BNC2: variants seen among roughly 807,000 people sequenced by gnomAD.
BNC2 encodes basonuclin zinc finger protein 2.
A neutral mutation model predicts 76.3 loss-of-function variants in BNC2; 20 were observed. That is an observed-to-expected ratio of 0.26 (90% CI 0.18 to 0.38). The LOEUF (loss-of-function observed/expected upper bound fraction) is 0.38. Ranked by LOEUF, BNC2 falls within the 10% of genes least tolerant of loss-of-function variation. The pLI is 1.00. For missense variants in BNC2, 1,382 were observed against 1,399.8 expected, an observed-to-expected ratio of 0.99 and a Z score of 0.20; for synonymous variants, 582 against 514.8, an observed-to-expected ratio of 1.13 and a Z score of -1.77.
intron 3 of BNC2, among the ~76,000 whole-genome samples, chr9:16,681,382 C>T (rs1367337502): frequency 6.6e-6 from 1 of 152,084 alleles, no homozygotes; most frequent in African/African-American, 2.4e-5. Context: ...GGATGTATTG[C>T]TTGTGTGTCC....
intron 5 of BNC2, among the ~76,000 whole-genome samples, chr9:16,540,178 T>G (rs1017580433): frequency 5.3e-5 from 8 of 150,802 alleles, no homozygotes; most frequent in Non-Finnish European, 8.9e-5. Flanking sequence ...TTTTTTTTTT[T>G]TGGTAACTGC....
intron 5 of BNC2, among the ~76,000 whole-genome samples, chr9:16,490,627 G>C (rs1004218005): frequency 6.6e-6 from 1 of 152,112 alleles, no homozygotes; most frequent in Non-Finnish European, 1.5e-5. Flanking sequence ...ATTAGACTGT[G>C]AGCACCTAGA....
Position 16,863,164 on chromosome 9 carries a change from G to C in BNC2, c.3+7482C>G, listed in dbSNP as rs202114516. 8.6e-5 allele frequency among the ~76,000 whole-genome samples: 13 copies of C among 151,786 alleles called. No homozygotes were observed. In the South Asian group the frequency reaches 2.7e-3, roughly 32 times the overall value. On this transcript the variant is annotated intron_variant, in intron 1 of 6. Coordinates refer to ENST00000380672, the MANE Select transcript of BNC2 (RefSeq NM_017637.6). ...TCCTGACCTTGTGATCCACCCACCT[G>C]AGCCTCCCAAAGTGCTGGGATTACA...
At chr9:16,851,225 C>A (rs4961500) in intron 1 of BNC2, among the ~76,000 whole-genome samples, 1 of 152,202 alleles carries the variant, frequency 6.6e-6, no homozygotes, top group African/African-American at 2.4e-5. Context: ...ATCAGTACAG[C>A]GGCTGGGTGC....
chr9:16,852,942 G>C (rs2136165547), intron 1 of BNC2, among the ~76,000 whole-genome samples: 1 of 152,292 alleles, frequency 6.6e-6, no homozygotes, highest in South Asian at 2.1e-4. Flanking sequence ...GTCAGAGTTG[G>C]GCTGGGTCAC....
chr9:16,768,949 A>T (rs1586868625), intron 1 of BNC2, among the ~76,000 whole-genome samples: 1 of 152,304 alleles, frequency 6.6e-6, no homozygotes, highest in South Asian at 2.1e-4. Context: ...GTGGCAGGAG[A>T]ATAGAAGAGG....
intron 5 of BNC2, among the ~76,000 whole-genome samples, chr9:16,476,532 CTT>C (rs1821930986): frequency 6.6e-6 from 1 of 151,256 alleles, no homozygotes; most frequent in African/African-American, 2.4e-5. Flanking sequence ...CTCTAGATAA[CTT>C]GCTTTTTAAC....
intron 5 of BNC2, among the ~76,000 whole-genome samples, chr9:16,542,255 C>G (rs890824335): frequency 1.3e-5 from 2 of 152,026 alleles, no homozygotes; most frequent in Non-Finnish European, 2.9e-5. Flanking sequence ...TGAGTTCGAG[C>G]AGAAAATACA....
At chr9:16,556,169 A>C (rs1372393638) in intron 4 of BNC2, among the ~76,000 whole-genome samples, 1 of 152,078 alleles carries the variant, frequency 6.6e-6, no homozygotes, top group African/African-American at 2.4e-5. Context: ...GCATACCTGT[A>C]GTCCCAGCTA....
At chr9:16,830,660 T>C (rs1658303692) in intron 1 of BNC2, among the ~76,000 whole-genome samples, 2 of 152,370 alleles carry the variant, frequency 1.3e-5, no homozygotes, top group South Asian at 2.1e-4. Context: ...AAATCTTGTT[T>C]CCATTTCTAA....
At chr9:16,428,020 T>G (rs2119281969) in intron 6 of BNC2, among the ~76,000 whole-genome samples, 1 of 152,326 alleles carries the variant, frequency 6.6e-6, no homozygotes, top group Middle Eastern at 3.4e-3. Flanking sequence ...CATTCACCAT[T>G]GAAGTTAAGT....
chr9:16,718,928 A>C (rs1443008668), intron 3 of BNC2, among the ~76,000 whole-genome samples: 1 of 152,188 alleles, frequency 6.6e-6, no homozygotes, highest in Non-Finnish European at 1.5e-5. Context: ...ATAATGTGGC[A>C]ATATGGGATT....
chr9:16,604,972 CA>C (rs1367452445), intron 3 of BNC2, among the ~76,000 whole-genome samples: 1 of 152,172 alleles, frequency 6.6e-6, no homozygotes, highest in Non-Finnish European at 1.5e-5. Flanking sequence ...CTGTACCAAA[CA>C]AATCCCTCCA....
At chr9:16,525,408 G>C (rs754238382) in intron 5 of BNC2, among the ~76,000 whole-genome samples, 1 of 151,966 alleles carries the variant, frequency 6.6e-6, no homozygotes, top group African/African-American at 2.4e-5. Context: ...AAAATGAAAC[G>C]GATTTACAAC....
chr9:16,667,595 T>C (rs1822338405), intron 3 of BNC2, among the ~76,000 whole-genome samples: 1 of 152,190 alleles, frequency 6.6e-6, no homozygotes, highest in Non-Finnish European at 1.5e-5. Context: ...CATAATTAAA[T>C]TAAATGAGAT....
chr9:16,506,513 CTTTTTTTTTTTTTT>C (rs568955982), intron 5 of BNC2, among the ~76,000 whole-genome samples: 794 of 43,382 alleles, frequency 0.018, 20 homozygotes, highest in African/African-American at 0.06. Flanking sequence ...TCTCTCTCCT[CTTTTTTTTTTTTTT>C]TTTTTTTTTT....
intron 1 of BNC2, among the ~76,000 whole-genome samples, chr9:16,785,674 C>A (rs1449167652): frequency 6.6e-6 from 1 of 151,132 alleles, no homozygotes. Context: ...CTGGGATGAG[C>A]CACCACGCCC....
chr9:16,556,253 T>C (rs1401637167), intron 4 of BNC2, among the ~76,000 whole-genome samples: 1 of 152,130 alleles, frequency 6.6e-6, no homozygotes, highest in Non-Finnish European at 1.5e-5. Flanking sequence ...ATTGTGCCAC[T>C]GCACTTCAGC....
intron 4 of BNC2, among the ~76,000 whole-genome samples, chr9:16,571,502 G>T (rs1819322108): frequency 6.6e-6 from 1 of 152,044 alleles, no homozygotes; most frequent in African/African-American, 2.4e-5. Context: ...GAACCACACA[G>T]CCGTTGCTTG....
Sources: allele counts gnomAD v4.1 joint callset (sites outside exome capture counted in the v4.1 genomes callset), GRCh38; gene constraint gnomAD v4.1.1; transcripts MANE v1.5; gene names NCBI Gene and HGNC (gene_info 2026-07-23, HGNC 2026-07-21).